The following RBL1 variants were observed in gnomAD, a reference collection of about 807,000 sequenced individuals.
The protein encoded by RBL1 is retinoblastoma-like protein 1.
RBL1 carries 82 observed loss-of-function variants against 123.0 expected under a neutral mutation model. The ratio of observed to expected loss-of-function variants is 0.67; its 90% CI spans 0.56 to 0.80. The LOEUF (loss-of-function observed/expected upper bound fraction) is 0.80, where lower values mean the gene tolerates loss of function less well. RBL1 is among the 30% of genes least tolerant of loss of function. The pLI is 0.00. For synonymous variants in RBL1, 405 were observed against 441.3 expected (o/e 0.92, Z 1.03); for missense variants, 1,171 against 1,299.6 (o/e 0.90, Z 1.52).
intron 1 of RBL1, among the ~76,000 whole-genome samples, chr20:37,095,441 T>C (rs1305423051): frequency 6.6e-6 from 1 of 152,216 alleles, no homozygotes; most frequent in African/African-American, 2.4e-5. Flanking sequence ...GCAGTTCATT[T>C]TCACTTTACC....
chr20:37,091,068 T>C (rs1298928523), intron 1 of RBL1, among the ~76,000 whole-genome samples: 3 of 152,152 alleles, frequency 2.0e-5, no homozygotes, highest in East Asian at 3.9e-4. Flanking sequence ...GATTAAGAAT[T>C]ACGGATAGGC....
chr20:37,068,258 C>A, intron 2 of RBL1, 72 bp from the exon 3 acceptor site: 1 of 1,475,682 alleles, frequency 6.8e-7, no homozygotes, highest in South Asian at 1.3e-5. Flanking sequence ...AGGAAATATT[C>A]TATTCATGAC....
chr20:37,040,238 C>T lies in RBL1; in HGVS notation c.1818G>A (p.Gln606=). The T allele has an allele frequency of 6.2e-7, 1 of 1,614,130 alleles. No homozygotes were observed. Among genetic ancestry groups the T allele is most frequent in the East Asian group, 2.2e-5 (1 of 44,886 alleles). The change falls in exon 14 of 22, where the codon CAG becomes CAA. Residue 606 remains glutamine (Q), a synonymous_variant. Transcript: ENST00000373664. ...NFETGNGGNV[Q]GHLPLMPMSP... ...ACATTGGCATCAGGGGAAGATGTCC[C>T]TGCACATTTCCTCCATTTCCTGTTT...
intron 21 of RBL1, 96 bp downstream of exon 21, chr20:37,003,606 T>C (rs1005539278): frequency 7.7e-6 from 11 of 1,437,350 alleles, no homozygotes; most frequent in Non-Finnish European, 9.2e-6. Flanking sequence ...ATTAGTATAG[T>C]AGTAACTTGG....
chr20:37,007,377 AAATAAT>A, intron 20 of RBL1, 28 bp downstream of exon 20: 1 of 1,594,434 alleles, frequency 6.3e-7, no homozygotes, highest in Non-Finnish European at 8.5e-7. Flanking sequence ...CTATGACAGC[AAATAAT>A]AATAAAGTAG....
intron 21 of RBL1, among the ~76,000 whole-genome samples, chr20:37,000,145 C>T (rs1218759577): frequency 3.0e-4 from 45 of 149,952 alleles, no homozygotes; most frequent in African/African-American, 9.8e-4. Context: ...CCGGCCGCCC[C>T]GTCTGAGAAG....
intron 2 of RBL1, among the ~76,000 whole-genome samples, chr20:37,078,237 T>C (rs1232579560): frequency 6.6e-6 from 1 of 152,220 alleles, no homozygotes; most frequent in Admixed American, 6.5e-5. Flanking sequence ...GTTTTCCATT[T>C]CAAAGTTTCT....
intron 17 of RBL1, 118 bp from the exon 18 acceptor site, chr20:37,020,848 G>A (rs2146226790): frequency 3.2e-6 from 2 of 634,282 alleles, no homozygotes; most frequent in South Asian, 4.0e-5. Flanking sequence ...TTAACCCCAG[G>A]CCAGTCCATG....
chr20:37,020,140 G>A (rs1407513578), intron 18 of RBL1, among the ~76,000 whole-genome samples: 1 of 148,890 alleles, frequency 6.7e-6, no homozygotes, highest in Admixed American at 6.8e-5. Flanking sequence ...CCAGGCTGGA[G>A]TGCAGTGGAA....
intron 13 of RBL1, among the ~76,000 whole-genome samples, chr20:37,041,140 A>G (rs189930242): frequency 6.6e-6 from 1 of 152,278 alleles, no homozygotes; most frequent in African/African-American, 2.4e-5. Flanking sequence ...GTTTGGGATT[A>G]GGGAAAAATT....
intron 18 of RBL1, among the ~76,000 whole-genome samples, chr20:37,019,069 G>A (rs2064301340): frequency 6.6e-6 from 1 of 151,088 alleles, no homozygotes; most frequent in Non-Finnish European, 1.5e-5. Flanking sequence ...TTAGAGACAG[G>A]GTCTCACTCT....
At chr20:37,078,373 T>C (rs1363081089) in intron 2 of RBL1, among the ~76,000 whole-genome samples, 1 of 152,216 alleles carries the variant, frequency 6.6e-6, no homozygotes, top group East Asian at 1.9e-4. Flanking sequence ...TATCAATTAT[T>C]ACTATGAGGT....
At position 37,038,598 on chromosome 20, in the gene RBL1, CT is replaced by C. The variant is rs1185859018; in HGVS notation, c.1903+1554del. Among the ~76,000 whole-genome samples, 1,004 of 118,612 alleles carry C rather than the reference CT, an allele frequency of 8.5e-3. 10 individuals carry two copies. The highest frequency in any genetic ancestry group is 0.022 in the African/African-American group (688 of 31,112). 77.8% of individuals were successfully genotyped at this position (118,612 alleles called of 152,430 possible). On this transcript the variant is annotated intron_variant, in intron 14 of 21. Coordinates refer to ENST00000373664, the MANE Select transcript of RBL1 (RefSeq NM_002895.5). ...ACAGGAATGAGCCACTGTGCCTGGC[CT>C]TTTTTTTTTTTTTTTTTTTCTGAAA...
intron 16 of RBL1, among the ~76,000 whole-genome samples, chr20:37,027,858 T>C (rs1285097319): frequency 1.3e-5 from 2 of 152,176 alleles, no homozygotes; most frequent in East Asian, 3.8e-4. Context: ...GGGCTCATGT[T>C]ATCCTCCCAC....
At chr20:37,029,898 GACATAT>G (rs1427175407) in intron 16 of RBL1, among the ~76,000 whole-genome samples, 1 of 152,078 alleles carries the variant, frequency 6.6e-6, no homozygotes, top group African/African-American at 2.4e-5. Context: ...TCTTGCAAAA[GACATAT>G]ACAGAAAACT....
chr20:37,026,116 A>T (rs2064416556), intron 16 of RBL1, among the ~76,000 whole-genome samples: 2 of 152,196 alleles, frequency 1.3e-5, no homozygotes, highest in South Asian at 4.1e-4. Context: ...GTGAAAGATA[A>T]ATTCTCTTGT....
In RBL1 at chr20:36,996,787, C is replaced by T. The variant is rs2063893774; in HGVS notation, c.*1972G>A. 2 of 151,900 alleles carry T rather than the reference C, an allele frequency of 1.3e-5. No homozygotes were observed. The highest frequency in any genetic ancestry group is 6.6e-5 in the Admixed American group (1 of 15,244). 9.4% of individuals were successfully genotyped at this position (151,900 alleles called of 1,614,324 possible). On this transcript the variant is annotated 3_prime_UTR_variant, in exon 22 of 22. Coordinates refer to ENST00000373664, the MANE Select transcript of RBL1 (RefSeq NM_002895.5). Reference sequence around the variant, plus strand: ...TACAAATGCTCATTTATATTTTGCACAATAATGAAGATAAAAATAACAATT... The same window carrying T: ...TACAAATGCTCATTTATATTTTGCATAATAATGAAGATAAAAATAACAATT...
intron 7 of RBL1, among the ~76,000 whole-genome samples, chr20:37,063,044 G>T (rs1323890909): frequency 6.6e-6 from 1 of 152,206 alleles, no homozygotes; most frequent in Non-Finnish European, 1.5e-5. Flanking sequence ...CAAATACAGA[G>T]TCATTGGGTC....
chr20:37,020,444 A>T (rs1400504505), intron 18 of RBL1, among the ~76,000 whole-genome samples: 1 of 152,222 alleles, frequency 6.6e-6, no homozygotes, highest in Non-Finnish European at 1.5e-5. Context: ...TATGAGAAGT[A>T]TATGAAAGTA....
Sources: allele counts gnomAD v4.1 joint callset (sites outside exome capture counted in the v4.1 genomes callset), GRCh38; gene constraint gnomAD v4.1.1; transcripts MANE v1.5; gene names NCBI Gene and HGNC (gene_info 2026-07-23, HGNC 2026-07-21).